WDR44: variants seen among roughly 807,000 people sequenced by gnomAD.
WDR44 encodes WD repeat domain 44.
WDR44 carries 9 observed loss-of-function variants against 65.7 expected under a neutral mutation model. That is an observed-to-expected ratio of 0.14 (90% CI 0.08 to 0.24). The LOEUF (loss-of-function observed/expected upper bound fraction) is 0.24, where lower values mean the gene tolerates loss of function less well. Among genes scored for constraint, WDR44 ranks in the 10% least tolerant of loss-of-function variants. The probability of loss-of-function intolerance (pLI) is 1.00; values close to 1 mark genes in which losing one functional copy is unlikely to be tolerated. For synonymous variants in WDR44, 220 were observed against 235.2 expected, an observed-to-expected ratio of 0.94 and a Z score of 0.59; for missense variants, 425 against 670.9, an observed-to-expected ratio of 0.63 and a Z score of 4.05.
At chrX:118,355,646 CT>C (rs1401823377) in intron 1 of WDR44, among the ~76,000 whole-genome samples, 1 of 112,094 alleles carries the variant, frequency 8.9e-6, no homozygotes, top group Non-Finnish European at 1.9e-5. Flanking sequence ...TAGCTGTTGA[CT>C]TTTAACCTTT....
intron 1 of WDR44, among the ~76,000 whole-genome samples, chrX:118,350,066 G>A (rs752611430): frequency 9.0e-6 from 1 of 110,666 alleles, no homozygotes; most frequent in South Asian, 3.8e-4. Flanking sequence ...TTGCTGAATT[G>A]AACTGATACA....
chrX:118,442,812 A>G (rs2057313900), intron 17 of WDR44, 132 bp downstream of exon 17: 4 of 481,835 alleles, frequency 8.3e-6, no homozygotes, highest in Admixed American at 3.7e-5. Context: ...TTATCATGCA[A>G]TACGTACCTT....
chrX:118,404,117 A>C (rs2056943143), intron 8 of WDR44, among the ~76,000 whole-genome samples: 1 of 112,082 alleles, frequency 8.9e-6, no homozygotes, highest in Admixed American at 9.5e-5. Context: ...GAATATATGA[A>C]TATTGTAAAT....
intron 1 of WDR44, among the ~76,000 whole-genome samples, chrX:118,357,350 A>G (rs1446017743): frequency 8.9e-6 from 1 of 111,927 alleles, no homozygotes; most frequent in Non-Finnish European, 1.9e-5. Flanking sequence ...AACTTTTATC[A>G]AAGATAATAA....
At position 118,392,992 on chromosome X, in the gene WDR44, G is replaced by A. The variant is rs777214543; in HGVS notation, c.547G>A (p.Val183Ile). The A allele has an allele frequency of 1.5e-5, 18 of 1,210,770 alleles. No homozygotes were observed. The highest frequency in any genetic ancestry group is 1.8e-5 in the Non-Finnish European group (16 of 895,442). Residue 183 changes from valine (V) to isoleucine (I), a missense_variant, in exon 4 of 20, where the codon GTC becomes ATC. Val to Ile is a conservative substitution (Grantham distance 29, BLOSUM62 3). Transcript: ENST00000254029. ...AGTATTGAACAAGGAAGCAGTGGAA[G>A]TCAAAGGAGGTGGTGATGTTTTAGA... Reference protein sequence around the residue: ...TEVLNKEAVEVKGGGDVLEPV... With the variant: ...TEVLNKEAVEIKGGGDVLEPV...
chrX:118,441,598 T>C, intron 15 of WDR44, 39 bp downstream of exon 15: 1 of 1,113,428 alleles, frequency 9.0e-7, no homozygotes, highest in Non-Finnish European at 1.2e-6. Flanking sequence ...AATTGTATAC[T>C]TAGTAAACAC....
At chrX:118,376,386 T>A (rs1434528900) in intron 1 of WDR44, among the ~76,000 whole-genome samples, 8 of 111,806 alleles carry the variant, frequency 7.2e-5, no homozygotes, top group African/African-American at 2.6e-4. Flanking sequence ...GTAGGACTCA[T>A]TTCTTCTCTT....
chrX:118,433,247 A>G (rs2057226954), intron 13 of WDR44, among the ~76,000 whole-genome samples: 1 of 111,753 alleles, frequency 8.9e-6, no homozygotes, highest in Admixed American at 9.5e-5. Context: ...CTTTGAACTC[A>G]TTCTCCTTAA....
intron 12 of WDR44, among the ~76,000 whole-genome samples, chrX:118,411,681 G>A (rs2057014325): frequency 9.0e-6 from 1 of 111,442 alleles, no homozygotes; most frequent in South Asian, 3.7e-4. Flanking sequence ...GTTTCTCAGG[G>A]TCTGTTCTTG....
chrX:118,415,926 A>G (rs150033619), intron 12 of WDR44, among the ~76,000 whole-genome samples: 1,347 of 111,587 alleles, frequency 0.012, 56 homozygotes, highest in Admixed American at 0.098. Context: ...GTATTTTTCC[A>G]GGAATTTTTC....
Position 118,360,965 on chromosome X carries a change from A to G in WDR44, c.77+14385A>G, listed in dbSNP as rs930688141. Among the ~76,000 whole-genome samples the G allele has an allele frequency of 5.4e-5, 6 of 111,030 alleles. No homozygotes were observed. In the East Asian group the frequency reaches 1.7e-3, roughly 31 times the overall value. On this transcript the variant is annotated intron_variant, in intron 1 of 19. Transcript: ENST00000254029. ...TTAGGAGTCTGTTAGGAATTTTGCA[A>G]CCTGACAAAAGGCTTCTGCAGAGCC...
intron 9 of WDR44, among the ~76,000 whole-genome samples, chrX:118,404,805 A>G (rs2056948743): frequency 9.0e-6 from 1 of 111,074 alleles, no homozygotes; most frequent in Non-Finnish European, 1.9e-5. Context: ...GGTTCACACC[A>G]TTCTCCTGCC....
chrX:118,403,259 G>A (rs942373619), intron 8 of WDR44, among the ~76,000 whole-genome samples: 1 of 111,715 alleles, frequency 9.0e-6, no homozygotes, highest in African/African-American at 3.3e-5. Context: ...TGGGATAAAC[G>A]GGGACTATGT....
At chrX:118,423,614 A>G (rs1182981110) in intron 12 of WDR44, among the ~76,000 whole-genome samples, 1 of 112,101 alleles carries the variant, frequency 8.9e-6, no homozygotes, top group East Asian at 2.8e-4. Context: ...CCCAAGCATC[A>G]CCTATAAAAG....
intron 15 of WDR44, 61 bp from the exon 16 acceptor site, chrX:118,442,183 A>C (rs1386326268): frequency 1.0e-6 from 1 of 1,004,201 alleles, no homozygotes; most frequent in African/African-American, 1.9e-5. Context: ...CTAGAGTTAC[A>C]GATACGAGCC....
At chrX:118,368,459 C>CTATATATATATATATA (rs757542334) in intron 1 of WDR44, among the ~76,000 whole-genome samples, 1,087 of 72,794 alleles carry the variant, frequency 0.015, 100 homozygotes, top group African/African-American at 0.055. Flanking sequence ...GAAATAGTGA[C>CTATATATATATATATA]TATATATATA....
intron 2 of WDR44, among the ~76,000 whole-genome samples, chrX:118,381,027 T>A (rs770509037): frequency 8.9e-6 from 1 of 112,139 alleles, no homozygotes; most frequent in East Asian, 2.8e-4. Flanking sequence ...GGTAGAGTAC[T>A]GGAAAATAAA....
chrX:118,425,300 T>C (rs967803280), intron 12 of WDR44, among the ~76,000 whole-genome samples: 1 of 112,209 alleles, frequency 8.9e-6, no homozygotes, highest in African/African-American at 3.2e-5. Flanking sequence ...GAGAATGACA[T>C]AATCTGATTT....
intron 2 of WDR44, among the ~76,000 whole-genome samples, chrX:118,386,221 T>A (rs2056764448): frequency 9.0e-6 from 1 of 111,569 alleles, no homozygotes. Context: ...CTCTGTGATG[T>A]GCACAAAGAA....
Sources: allele counts gnomAD v4.1 joint callset (sites outside exome capture counted in the v4.1 genomes callset), GRCh38; gene constraint gnomAD v4.1.1; transcripts MANE v1.5; gene names NCBI Gene and HGNC (gene_info 2026-07-23, HGNC 2026-07-21).